Variants in MEGF10 observed in about 807,000 individuals in gnomAD.
The protein encoded by MEGF10 is multiple epidermal growth factor-like domains protein 10.
In MEGF10, 86 loss-of-function variants were observed where a neutral mutation model predicts 147.5. The ratio of observed to expected loss-of-function variants is 0.58; its 90% CI spans 0.49 to 0.70. The LOEUF (loss-of-function observed/expected upper bound fraction) is 0.70. MEGF10 is among the 30% of genes least tolerant of loss of function. The pLI is 0.00. For synonymous variants in MEGF10, 478 were observed against 525.5 expected (o/e 0.91, Z 1.24); for missense variants, 1,329 against 1,487.3 (o/e 0.89, Z 1.75).
At chr5:127,278,608 G>A in the MEGF10 span, among the ~76,000 whole-genome samples, 1 of 152,148 alleles carries the variant, frequency 6.6e-6, no homozygotes, top group Non-Finnish European at 1.5e-5. Flanking sequence ...GAGGCCCAAG[G>A]GAAAGAATTT....
At chr5:127,456,171 A>G (rs1212549368) in intron 24 of MEGF10, among the ~76,000 whole-genome samples, 1 of 152,212 alleles carries the variant, frequency 6.6e-6, no homozygotes, top group East Asian at 1.9e-4. Context: ...CAAATGGTTC[A>G]AGTGGATTAA....
At chr5:127,348,898 C>A (rs926054391) in intron 4 of MEGF10, among the ~76,000 whole-genome samples, 2 of 151,934 alleles carry the variant, frequency 1.3e-5, no homozygotes, top group Non-Finnish European at 1.5e-5. Flanking sequence ...TCTAATAAGC[C>A]CAACTTACAA....
Position 127,342,443 on chromosome 5 carries a change from A to G in MEGF10, c.319+1813A>G, listed in dbSNP as rs1278698341. 3.3e-5 allele frequency among the ~76,000 whole-genome samples: 5 copies of G among 152,166 alleles called. No homozygotes were observed. The East Asian group carries it at 9.6e-4, about 29-fold the overall frequency. On this transcript the variant is annotated intron_variant, in intron 4 of 24. Coordinates refer to ENST00000503335, the MANE Select transcript of MEGF10 (RefSeq NM_001256545.2). The stretch of plus-strand genomic sequence containing the variant: ...AGGATGCTATTTTCCTAACTCATAC[A>G]AAACTTGGAAAGGTGCTTGTGCCTG...
chr5:127,264,750 A>T, the MEGF10 span, among the ~76,000 whole-genome samples: 1 of 152,186 alleles, frequency 6.6e-6, no homozygotes, highest in Non-Finnish European at 1.5e-5. Context: ...TTTGAAAGAA[A>T]AATAAAGAAA....
At chr5:127,230,070 G>A in the MEGF10 span, among the ~76,000 whole-genome samples, 1 of 151,946 alleles carries the variant, frequency 6.6e-6, no homozygotes, top group African/African-American at 2.4e-5. Context: ...TTTAGTTTTA[G>A]GCAGCAGATG....
chr5:127,234,764 C>T, the MEGF10 span, among the ~76,000 whole-genome samples: 1 of 152,100 alleles, frequency 6.6e-6, no homozygotes, highest in Admixed American at 6.5e-5. Flanking sequence ...CTTCTTCTCT[C>T]ACTTTTTACT....
rs1766455379 is a variant in MEGF10 at position 127,458,699 on chromosome 5, C to T, written c.*1381C>T. 2.0e-5 allele frequency: 3 copies of T among 152,040 alleles called. No individual in the cohort carries two copies. In the South Asian group the frequency reaches 6.2e-4, roughly 32 times the overall value. The allele number at this position is 152,040 out of a possible 1,614,324, so 9.4% of individuals were successfully genotyped here. On this transcript the variant is annotated 3_prime_UTR_variant, in exon 25 of 25. Coordinates refer to ENST00000503335, the MANE Select transcript of MEGF10 (RefSeq NM_001256545.2). ...GAAGTAGAAATGCTTTTTAATATTC[C>T]AAAATAGAGTTCCTTTTGATCTGTT... is the stretch of plus-strand genomic sequence containing the variant.
At position 127,396,770 on chromosome 5, in the gene MEGF10, C is replaced by T. The variant is rs771421649; in HGVS notation, c.651C>T (p.Thr217=). Residue 217 remains threonine (T), a synonymous_variant, in exon 6 of 25, where the codon ACC becomes ACT. Coordinates refer to ENST00000503335, the MANE Select transcript of MEGF10 (RefSeq NM_001256545.2). ...AATGCCGCTGCCCACCAGGATACAC[C>T]GGAGCCTTGTAAGTCACATGCTGCC... ...TGECRCPPGY[T]GAFCEDLCPP... 1.9e-5 allele frequency: 30 copies of T among 1,612,976 alleles called. No homozygotes were observed. Among genetic ancestry groups the T allele is most frequent in the Middle Eastern group, 1.7e-4 (1 of 6,054 alleles).
chr5:127,384,036 T>C (rs1763344645), intron 5 of MEGF10, among the ~76,000 whole-genome samples: 1 of 152,228 alleles, frequency 6.6e-6, no homozygotes, highest in African/African-American at 2.4e-5. Context: ...TCCTTTAATA[T>C]TCATCTCAAT....
In MEGF10 at chr5:127,340,551, T is replaced by C. The variant is rs1234596293; in HGVS notation, c.240T>C (p.Tyr80=). 2 of 1,612,834 alleles carry C rather than the reference T, an allele frequency of 1.2e-6. No individual in the cohort carries two copies. Among genetic ancestry groups the C allele is most frequent in the Non-Finnish European group, 1.7e-6 (2 of 1,179,092 alleles). The change falls in exon 4 of 25, where the codon TAT becomes TAC. Residue 80 remains tyrosine (Y), a synonymous_variant. Coordinates refer to ENST00000503335, the MANE Select transcript of MEGF10 (RefSeq NM_001256545.2). ...ATAGAGTCAGCTATCGGACAGCCTATCGACATGGGGAGAAGACTATGTATA... is the reference window on the plus strand; with the variant it reads ...ATAGAGTCAGCTATCGGACAGCCTACCGACATGGGGAGAAGACTATGTATA... ...TRHRVSYRTA[Y]RHGEKTMYRR...
In MEGF10 at chr5:127,455,566, T is replaced by A. The variant is rs746195971; in HGVS notation, c.3191T>A (p.Ile1064Asn). ...PARRDSPYAEINNSTSANRNV... is the reference protein window; with the variant it reads ...PARRDSPYAENNNSTSANRNV... ...CGAAGAGATTCCCCATATGCAGAGA[T>A]CAATAACTCAACTTCAGCCAACAGG... is the stretch of plus-strand genomic sequence containing the variant. Residue 1064 changes from isoleucine to asparagine, a missense_variant, in exon 24 of 25, where the codon ATC becomes AAC. Transcript: ENST00000503335. 15 of 1,614,086 alleles carry A rather than the reference T, an allele frequency of 9.3e-6. No individual in the cohort carries two copies. Among genetic ancestry groups the A allele is most frequent in the Non-Finnish European group, 9.3e-6 (11 of 1,179,998 alleles).
At chr5:127,338,775 T>C (rs549537577) in intron 2 of MEGF10, among the ~76,000 whole-genome samples, 4 of 152,244 alleles carry the variant, frequency 2.6e-5, no homozygotes, top group Non-Finnish European at 4.4e-5. Flanking sequence ...CTGTGAATGA[T>C]CTTTGTTATG....
At chr5:127,271,736 G>GAA in the MEGF10 span, among the ~76,000 whole-genome samples, 1 of 152,070 alleles carries the variant, frequency 6.6e-6, no homozygotes, top group Non-Finnish European at 1.5e-5. Flanking sequence ...CTGCCATGTG[G>GAA]AAAAGATGTG....
the MEGF10 span, among the ~76,000 whole-genome samples, chr5:127,236,898 G>C: frequency 6.6e-6 from 1 of 152,212 alleles, no homozygotes; most frequent in Non-Finnish European, 1.5e-5. Context: ...TGAGAGAACT[G>C]AGAGAATCCT....
intron 4 of MEGF10, among the ~76,000 whole-genome samples, chr5:127,351,073 G>A (rs1175778221): frequency 6.6e-6 from 1 of 152,114 alleles, no homozygotes; most frequent in Non-Finnish European, 1.5e-5. Flanking sequence ...AGGATCTAGT[G>A]TTTGATAGCA....
the MEGF10 span, among the ~76,000 whole-genome samples, chr5:127,268,297 T>C: frequency 6.6e-6 from 1 of 152,308 alleles, no homozygotes; most frequent in African/African-American, 2.4e-5. Flanking sequence ...TTGTTATAAT[T>C]TCTGTTCTTT....
At chr5:127,434,560 C>T (rs2127002244) in intron 14 of MEGF10, 127 bp from the exon 15 acceptor site, 1 of 1,028,792 alleles carries the variant, frequency 9.7e-7, no homozygotes, top group South Asian at 2.1e-5. Flanking sequence ...GGAAAATTCT[C>T]CGTATCTTTT....
intron 6 of MEGF10, among the ~76,000 whole-genome samples, chr5:127,398,071 G>T (rs1333244084): frequency 1.3e-5 from 2 of 151,654 alleles, no homozygotes; most frequent in Non-Finnish European, 2.9e-5. Flanking sequence ...GTCTGGGGGT[G>T]GGGGGAAAGG....
At chr5:127,230,562 G>C in the MEGF10 span, among the ~76,000 whole-genome samples, 7 of 44,316 alleles carry the variant, frequency 1.6e-4, no homozygotes, top group Admixed American at 7.0e-4. Flanking sequence ...ATGAATGAAA[G>C]AAAGAAAATA....
Sources: allele counts gnomAD v4.1 joint callset (sites outside exome capture counted in the v4.1 genomes callset), GRCh38; gene constraint gnomAD v4.1.1; transcripts MANE v1.5; gene names NCBI Gene and HGNC (gene_info 2026-07-23, HGNC 2026-07-21).